The following ABHD2 variants were observed in gnomAD, a reference collection of about 807,000 sequenced individuals.
ABHD2 encodes the protein abhydrolase domain containing 2, acylglycerol lipase.
ABHD2 carries 20 observed loss-of-function variants against 48.1 expected under a neutral mutation model. The ratio of observed to expected loss-of-function variants is 0.42; its 90% CI spans 0.29 to 0.60. The LOEUF is 0.60. Ranked by LOEUF, ABHD2 falls within the 20% of genes least tolerant of loss-of-function variation. The pLI is 0.24. For missense variants in ABHD2, 405 were observed against 550.9 expected (o/e 0.74, Z 2.65); for synonymous variants, 209 against 214.2 (o/e 0.98, Z 0.21).
chr15:89,126,543 A>C (rs567615054), intron 3 of ABHD2, among the ~76,000 whole-genome samples: 2 of 152,266 alleles, frequency 1.3e-5, no homozygotes, highest in South Asian at 2.1e-4. Flanking sequence ...TTTGATCTCC[A>C]CTGTTCTTTT....
rs541344639 is a variant in ABHD2 at position 89,137,115 on chromosome 15, C to T, written c.195-14562C>T. Among the ~76,000 whole-genome samples the T allele has an allele frequency of 7.9e-5, 12 of 152,260 alleles. No homozygotes were observed. The highest frequency in any genetic ancestry group is 1.2e-4 in the African/African-American group (5 of 41,556). ...GCTGTTTGCAGGACCAGTTCTCTAACGGATCCAGGGTTCCAGTGGAACCCT... is the reference window on the plus strand; with the variant it reads ...GCTGTTTGCAGGACCAGTTCTCTAATGGATCCAGGGTTCCAGTGGAACCCT... On this transcript the variant is annotated intron_variant, in intron 3 of 10. Transcript: ENST00000352732. This position sits in a 1 kb window ranked among gnomAD's most constrained non-coding sequence, Gnocchi z 4.8.
chr15:89,151,612 A>G lies in ABHD2; in HGVS notation c.195-65A>G. 2 of 1,535,648 alleles carry G rather than the reference A, an allele frequency of 1.3e-6. No homozygotes were observed. The highest frequency in any genetic ancestry group is 1.3e-5 in the South Asian group (1 of 79,982). ...AAAATAGGTTGAAAGAGTTTTGCTA[A>G]AAGATTTTTCAGAACGTTGCTCAAG... On this transcript the variant is annotated intron_variant, in intron 3 of 10. Coordinates refer to ENST00000352732, the MANE Select transcript of ABHD2 (RefSeq NM_152924.5). This position sits in a 1 kb window ranked among gnomAD's most constrained non-coding sequence, Gnocchi z 4.7.
At chr15:89,043,665 A>AGGGAGGAGGAGAAGGAGGAGG in the ABHD2 span, among the ~76,000 whole-genome samples, 2 of 103,002 alleles carry the variant, frequency 1.9e-5, no homozygotes, top group African/African-American at 3.7e-5. Flanking sequence ...GGAGGAGGAG[A>AGGGAGGAGGAGAAGGAGGAGG]GGGAGGAGGA....
intron 1 of ABHD2, 28 bp from the exon 2 acceptor site, chr15:89,113,697 T>A (rs1030241115): frequency 2.6e-5 from 4 of 152,236 alleles, no homozygotes; most frequent in African/African-American, 9.6e-5. Flanking sequence ...TTTTCGTTCT[T>A]TAAAACATTA....
At chr15:89,062,088 A>G in the ABHD2 span, among the ~76,000 whole-genome samples, 1 of 152,200 alleles carries the variant, frequency 6.6e-6, no homozygotes, top group South Asian at 2.1e-4. Context: ...GGCTACCACC[A>G]AAGCCTGAGG....
At chr15:89,144,455 A>C (rs2050459755) in intron 3 of ABHD2, among the ~76,000 whole-genome samples, 1 of 152,208 alleles carries the variant, frequency 6.6e-6, no homozygotes. Flanking sequence ...TCTATAACTG[A>C]TGAAAAAATA....
In ABHD2 at chr15:89,143,399, G is replaced by A. The variant is rs191502089; in HGVS notation, c.195-8278G>A. Reference sequence around the variant, plus strand: ...TAAAAAAAGTGTGGCCAAGTGCGGTGGCTCACGCCTGTAATCCCAGCACTT... The same window carrying A: ...TAAAAAAAGTGTGGCCAAGTGCGGTAGCTCACGCCTGTAATCCCAGCACTT... On this transcript the variant is annotated intron_variant, in intron 3 of 10. Coordinates refer to ENST00000352732, the MANE Select transcript of ABHD2 (RefSeq NM_152924.5). Among the ~76,000 whole-genome samples the A allele has an allele frequency of 2.0e-5, 3 of 152,354 alleles. No homozygotes were observed. In the East Asian group the frequency reaches 5.8e-4, roughly 29 times the overall value.
chr15:89,155,345 G>C lies in ABHD2; in HGVS notation c.371-22G>C, dbSNP rs2050654755. On this transcript the variant is annotated intron_variant, in intron 4 of 10. Coordinates refer to ENST00000352732, the MANE Select transcript of ABHD2 (RefSeq NM_152924.5). This position sits in a 1 kb window ranked among gnomAD's most constrained non-coding sequence, Gnocchi z 4.9. ...ATGTCACATTTCTTGGATACATCAG[G>C]ATCTCTTTCTCTACGCTATAGATGA... 5 of 1,603,188 alleles carry C rather than the reference G, an allele frequency of 3.1e-6. No homozygotes were observed. In the African/African-American group the frequency reaches 5.3e-5, roughly 17 times the overall value.
At chr15:89,136,273 G>A (rs373737606) in intron 3 of ABHD2, 34 of 402,836 alleles carry the variant, frequency 8.4e-5, no homozygotes, top group South Asian at 3.9e-4. Context: ...ACAGGTTTTC[G>A]TTTCTCTTTC....
rs57813229 is a variant in ABHD2 at position 89,100,284 on chromosome 15, A to ATTTT, written c.-107+11735_-107+11738dup. On this transcript the variant is annotated intron_variant, in intron 1 of 10. Transcript: ENST00000352732. The surrounding 1 kb of genome is among the most constrained non-coding windows in gnomAD (Gnocchi z 4.4). ...CTCCCAAGTTCACATTGTGTTGTTA[A>ATTTT]TTTTTTTTTTTTTTTTTAAGAGACA... Among the ~76,000 whole-genome samples, 78 of 141,228 alleles carry ATTTT rather than the reference A, an allele frequency of 5.5e-4. 1 individual carries two copies. The highest frequency in any genetic ancestry group is 2.0e-3 in the African/African-American group (75 of 38,370). 92.7% of individuals were successfully genotyped at this position (141,228 alleles called of 152,430 possible). A position where few individuals can be genotyped will look rare whatever the true frequency, so the allele number is the denominator to read the frequency against.
At chr15:89,059,597 A>G in the ABHD2 span, among the ~76,000 whole-genome samples, 1 of 152,146 alleles carries the variant, frequency 6.6e-6, no homozygotes, top group Non-Finnish European at 1.5e-5. Flanking sequence ...TAACTCTCTC[A>G]TAGGGATGGG....
chr15:89,139,082 G>C (rs1386405358), intron 3 of ABHD2, among the ~76,000 whole-genome samples: 3 of 151,956 alleles, frequency 2.0e-5, no homozygotes, highest in Non-Finnish European at 4.4e-5. Context: ...ATGGTGGCAT[G>C]TGCCTGTGGT....
At chr15:89,150,547 A>G (rs2050574480) in intron 3 of ABHD2, among the ~76,000 whole-genome samples, 1 of 152,160 alleles carries the variant, frequency 6.6e-6, no homozygotes, top group African/African-American at 2.4e-5. Context: ...TCCCCCGAAA[A>G]GGAAGCTTGT....
Position 89,182,264 on chromosome 15 carries a change from T to C in ABHD2, c.723-3160T>C, listed in dbSNP as rs2051126579. Among the ~76,000 whole-genome samples, 1 of 152,202 alleles carries C rather than the reference T, an allele frequency of 6.6e-6. No individual in the cohort carries two copies. Among genetic ancestry groups the C allele is most frequent in the African/African-American group, 2.4e-5 (1 of 41,440 alleles). ...CTTTTGGAGTCATCCTGGTTCTTTC[T>C]GAAGTTTTGAAACCTACCCTCCTTC... On this transcript the variant is annotated intron_variant, in intron 6 of 10. Transcript: ENST00000352732. The surrounding 1 kb of genome is among the most constrained non-coding windows in gnomAD (Gnocchi z 4.8).
chr15:89,058,872 G>A, the ABHD2 span, among the ~76,000 whole-genome samples: 256 of 151,540 alleles, frequency 1.7e-3, 2 homozygotes, highest in Middle Eastern at 0.034. Flanking sequence ...GGGTGGTGGC[G>A]CAGAAGCCAT....
upstream of ABHD2, among the ~76,000 whole-genome samples, chr15:89,083,264 GA>G (rs1426610105): frequency 6.6e-6 from 1 of 152,180 alleles, no homozygotes; most frequent in African/African-American, 2.4e-5. This position sits in a 1 kb window ranked among gnomAD's most constrained non-coding sequence, Gnocchi z 5.1. Context: ...AATTATGTAG[GA>G]AAGGGTGTAT....
chr15:89,142,171 C>T (rs753396640), intron 3 of ABHD2, among the ~76,000 whole-genome samples: 1 of 152,202 alleles, frequency 6.6e-6, no homozygotes, highest in Non-Finnish European at 1.5e-5. Context: ...ACTCCCTAGC[C>T]TCAGGATCCC....
rs368904511 is a variant in ABHD2 at position 89,161,590 on chromosome 15, AG to A, written c.538+6059del. On this transcript the variant is annotated intron_variant, in intron 5 of 10. Coordinates refer to ENST00000352732, the MANE Select transcript of ABHD2 (RefSeq NM_152924.5). ...TAATTTTTGTATATTTAGTAGAGAC[AG>A]GGTTTCACCATGTTGGCCAGACTGG... Among the ~76,000 whole-genome samples, 37 of 152,246 alleles carry A rather than the reference AG, an allele frequency of 2.4e-4. 1 individual carries two copies. In the East Asian group the frequency reaches 6.0e-3, roughly 25 times the overall value.
At chr15:89,069,122 CTTTTTTT>C in the ABHD2 span, among the ~76,000 whole-genome samples, 22 of 124,910 alleles carry the variant, frequency 1.8e-4, no homozygotes, top group African/African-American at 7.0e-4. Context: ...CTTTTCTTTT[CTTTTTTT>C]TTTTTTTTTT....
Sources: allele counts gnomAD v4.1 joint callset (sites outside exome capture counted in the v4.1 genomes callset), GRCh38; gene constraint gnomAD v4.1.1; non-coding constraint Gnocchi (gnomAD v3.1); transcripts MANE v1.5; gene names NCBI Gene and HGNC (gene_info 2026-07-23, HGNC 2026-07-21).